The following GHR variants were observed in gnomAD, a reference collection of about 807,000 sequenced individuals.
GHR encodes the protein GH receptor.
Under a neutral mutation model 67.1 loss-of-function variants are expected in GHR, and 35 were observed. The observed-to-expected ratio is 0.52, with a 90% CI of 0.40 to 0.69. GHR has a LOEUF of 0.69. Among genes scored for constraint, GHR ranks in the 30% least tolerant of loss-of-function variants. GHR has a pLI of 0.00. For synonymous variants in GHR, 272 were observed against 269.1 expected (o/e 1.01, Z -0.10); for missense variants, 792 against 764.6 (o/e 1.04, Z -0.42).
intron 1 of GHR, among the ~76,000 whole-genome samples, chr5:42,461,483 T>C (rs892166915): frequency 5.9e-5 from 9 of 152,204 alleles, no homozygotes; most frequent in East Asian, 3.9e-4. Context: ...TTGCTTTTCA[T>C]TGGGAGCCCC....
At chr5:42,475,630 T>G (rs1392550527) in intron 1 of GHR, among the ~76,000 whole-genome samples, 1 of 151,806 alleles carries the variant, frequency 6.6e-6, no homozygotes, top group African/African-American at 2.4e-5. Flanking sequence ...CCAAATTGTA[T>G]AAGTTTCAGG....
chr5:42,529,304 C>T (rs1372091775), intron 1 of GHR, among the ~76,000 whole-genome samples: 1 of 152,150 alleles, frequency 6.6e-6, no homozygotes, highest in South Asian at 2.1e-4. Context: ...AGCCACCGCG[C>T]CTGGCCAGAC....
chr5:42,593,692 T>A (rs1751918041), intron 2 of GHR, among the ~76,000 whole-genome samples: 1 of 152,252 alleles, frequency 6.6e-6, no homozygotes, highest in South Asian at 2.1e-4. Flanking sequence ...TACACATTTT[T>A]CACTTGTGGG....
intron 2 of GHR, among the ~76,000 whole-genome samples, chr5:42,614,336 T>C (rs948871783): frequency 5.9e-5 from 9 of 151,910 alleles, no homozygotes; most frequent in African/African-American, 2.2e-4. Context: ...ATGCCTTGTG[T>C]TTGAGAAGTA....
Position 42,635,866 on chromosome 5 carries a change from A to C in GHR, c.136+6763A>C, listed in dbSNP as rs76136430. ...CTCAAACAATAAGAAAATAGTTAGA[A>C]ATCTGTTTGTGGGCATAGGTCTCTA... is the stretch of plus-strand genomic sequence containing the variant. On this transcript the variant is annotated intron_variant, in intron 3 of 9. Coordinates refer to ENST00000230882, the MANE Select transcript of GHR (RefSeq NM_000163.5). 4.7e-3 allele frequency among the ~76,000 whole-genome samples: 709 copies of C among 152,240 alleles called. 2 individuals carry two copies. Among genetic ancestry groups the C allele is most frequent in the Non-Finnish European group, 6.9e-3 (469 of 68,016 alleles).
rs73751232 is a variant in GHR, at chr5:42,715,899, C to T, written c.876-2153C>T. Among the ~76,000 whole-genome samples the T allele has an allele frequency of 8.2e-3, 1,252 of 152,302 alleles. 12 individuals carry two copies. The highest frequency in any genetic ancestry group is 0.029 in the African/African-American group (1,212 of 41,560). On this transcript the variant is annotated intron_variant, in intron 8 of 9. Transcript: ENST00000230882. ...TAATTTGCCACCATCCTCATTCCTCCTAATGACTTTGCAACTGGCTTGCTT... is the reference window on the plus strand; with the variant it reads ...TAATTTGCCACCATCCTCATTCCTCTTAATGACTTTGCAACTGGCTTGCTT...
intron 1 of GHR, among the ~76,000 whole-genome samples, chr5:42,438,196 C>G (rs1174720962): frequency 6.6e-6 from 1 of 152,172 alleles, no homozygotes; most frequent in Admixed American, 6.5e-5. Context: ...TAATCCCACA[C>G]AAAACCCATG....
chr5:42,705,213 T>C (rs1026993589), intron 6 of GHR, among the ~76,000 whole-genome samples: 4 of 152,056 alleles, frequency 2.6e-5, no homozygotes, highest in Admixed American at 2.0e-4. Flanking sequence ...ATGAACTTTA[T>C]GCTTAGTTTA....
chr5:42,531,763 G>T (rs1405737216), intron 1 of GHR, among the ~76,000 whole-genome samples: 1 of 152,062 alleles, frequency 6.6e-6, no homozygotes, highest in Non-Finnish European at 1.5e-5. Flanking sequence ...TTTCACAATG[G>T]CCCAATGAAA....
intron 3 of GHR, among the ~76,000 whole-genome samples, chr5:42,660,694 A>G (rs1224392060): frequency 6.6e-6 from 1 of 152,252 alleles, no homozygotes; most frequent in Non-Finnish European, 1.5e-5. Context: ...AACTCTGAAA[A>G]GCAGAGCACC....
At chr5:42,490,141 C>T (rs62370642) in intron 1 of GHR, among the ~76,000 whole-genome samples, 22,727 of 152,174 alleles carry the variant, frequency 0.15, 1,900 homozygotes, top group Middle Eastern at 0.2. Flanking sequence ...CTTAGATGTT[C>T]ACAGAGCTCT....
At chr5:42,508,134 T>C (rs1020765323) in intron 1 of GHR, among the ~76,000 whole-genome samples, 1 of 152,248 alleles carries the variant, frequency 6.6e-6, no homozygotes, top group African/African-American at 2.4e-5. Context: ...TTCTTCCAAA[T>C]ACTCTTGTAA....
intron 1 of GHR, among the ~76,000 whole-genome samples, chr5:42,533,008 C>T (rs1280846327): frequency 6.6e-6 from 1 of 152,060 alleles, no homozygotes; most frequent in East Asian, 1.9e-4. Context: ...ATTAGATATG[C>T]CAAATTGCTC....
intron 1 of GHR, among the ~76,000 whole-genome samples, chr5:42,457,083 G>A (rs1259975148): frequency 6.6e-6 from 1 of 152,128 alleles, no homozygotes; most frequent in African/African-American, 2.4e-5. Context: ...GCTTCTTCCT[G>A]TGATTTACTG....
In GHR at chr5:42,629,687, A is replaced by AT. The variant is rs1160621575; in HGVS notation, c.136+590dup. Among the ~76,000 whole-genome samples, 4 of 130,984 alleles carry AT rather than the reference A, an allele frequency of 3.1e-5. 1 individual carries two copies. Among genetic ancestry groups the AT allele is most frequent in the African/African-American group, 1.3e-4 (4 of 30,988 alleles). 85.9% of individuals were successfully genotyped at this position (130,984 alleles called of 152,430 possible). A position where few individuals can be genotyped will look rare whatever the true frequency, so the allele number is the denominator to read the frequency against. On this transcript the variant is annotated intron_variant, in intron 3 of 9. Coordinates refer to ENST00000230882, the MANE Select transcript of GHR (RefSeq NM_000163.5). ...TCTGTGCAAGGCTGCTTTTTTTTCT[A>AT]TTTTTTGCTTGTGCTTGGAGGTTAA...
At chr5:42,609,241 G>A (rs944996252) in intron 2 of GHR, among the ~76,000 whole-genome samples, 1 of 152,172 alleles carries the variant, frequency 6.6e-6, no homozygotes, top group African/African-American at 2.4e-5. Context: ...GCCATCATGG[G>A]AAACCAGTCT....
chr5:42,644,660 G>C (rs1004557937), intron 3 of GHR, among the ~76,000 whole-genome samples: 2 of 151,672 alleles, frequency 1.3e-5, no homozygotes, highest in African/African-American at 4.8e-5. Context: ...TTTTAAATGA[G>C]AAAGTTTTTA....
intron 3 of GHR, among the ~76,000 whole-genome samples, chr5:42,664,264 A>C (rs1333481531): frequency 6.6e-6 from 1 of 152,206 alleles, no homozygotes; most frequent in Non-Finnish European, 1.5e-5. Flanking sequence ...ATATGGAACC[A>C]AAAAAGAGCC....
intron 6 of GHR, among the ~76,000 whole-genome samples, chr5:42,705,350 T>A (rs969026482): frequency 3.9e-5 from 6 of 152,080 alleles, no homozygotes; most frequent in African/African-American, 1.4e-4. Context: ...TTCCTTAAGG[T>A]TTGCTATGTT....
Sources: gnomAD v4.1 joint callset for allele counts (sites outside exome capture counted in the v4.1 genomes callset) on GRCh38, gnomAD v4.1.1 for gene constraint, MANE v1.5 for transcripts, NCBI Gene and HGNC (gene_info 2026-07-23, HGNC 2026-07-21) for gene names.